PCDH11Y: variants seen among roughly 807,000 people sequenced by gnomAD.
The protein encoded by PCDH11Y is protocadherin-11 Y-linked.
For missense variants in PCDH11Y, 12 were observed against 224.8 expected (o/e 0.05, Z 6.05); for synonymous variants, 9 against 83.6 (o/e 0.11, Z 4.87).
chrY:5,429,493 G>T, intron 2 of PCDH11Y, among the ~76,000 whole-genome samples: 1 of 32,456 alleles, frequency 3.1e-5, no homozygotes, highest in African/African-American at 1.2e-4. Flanking sequence ...TTTATTTACA[G>T]CTGGTTTTTA....
intron 3 of PCDH11Y, among the ~76,000 whole-genome samples, chrY:5,578,259 G>A: frequency 3.0e-5 from 1 of 33,824 alleles, no homozygotes; most frequent in Non-Finnish European, 7.4e-5. Context: ...ACATCAAGAA[G>A]AATTGAATCT....
intron 2 of PCDH11Y, among the ~76,000 whole-genome samples, chrY:5,183,456 G>A: frequency 3.1e-5 from 1 of 31,986 alleles, no homozygotes; most frequent in African/African-American, 1.2e-4. Context: ...TGTTTTTTGC[G>A]ACATTTTTAA....
At chrY:5,109,463 C>G, downstream of PCDH11Y, among the ~76,000 whole-genome samples, 2 of 33,228 alleles carry the variant, frequency 6.0e-5, no homozygotes, top group East Asian at 1.6e-3. Context: ...GGCTATATAA[C>G]TTTTTGAAGT....
At chrY:5,418,968 A>G in intron 2 of PCDH11Y, among the ~76,000 whole-genome samples, 1 of 32,908 alleles carries the variant, frequency 3.0e-5, no homozygotes, top group Non-Finnish European at 7.5e-5. Context: ...TGGCTCAGAA[A>G]ATATCTTATT....
At chrY:5,116,963 T>C (rs2052811525) in intron 2 of PCDH11Y, among the ~76,000 whole-genome samples, 6 of 32,507 alleles carry the variant, frequency 1.8e-4, no homozygotes, top group African/African-American at 7.2e-4. Context: ...GAACTCCAGA[T>C]TGGCTACCAC....
intron 2 of PCDH11Y, among the ~76,000 whole-genome samples, chrY:5,390,849 G>A (rs2124675863): frequency 3.0e-5 from 1 of 33,044 alleles, no homozygotes; most frequent in Non-Finnish European, 7.4e-5. Context: ...TATTGATAGG[G>A]ATTGTGAATG....
chrY:5,437,719 G>T, intron 2 of PCDH11Y, among the ~76,000 whole-genome samples: 1 of 32,147 alleles, frequency 3.1e-5, no homozygotes, highest in Non-Finnish European at 7.6e-5. Context: ...TTAAGTTTTA[G>T]GGTACATGTG....
intron 2 of PCDH11Y, among the ~76,000 whole-genome samples, chrY:5,298,203 A>G (rs2053077422): frequency 3.0e-5 from 1 of 33,885 alleles, no homozygotes; most frequent in African/African-American, 1.2e-4. Context: ...AGGCAATGGA[A>G]GAGCAATATA....
chrY:5,601,370 T>C, intron 4 of PCDH11Y, among the ~76,000 whole-genome samples: 1 of 32,581 alleles, frequency 3.1e-5, no homozygotes, highest in Non-Finnish European at 7.5e-5. Context: ...TTTATTTTTC[T>C]AGAATAACTT....
At chrY:5,694,754 A>G (rs2053570400) in intron 4 of PCDH11Y, among the ~76,000 whole-genome samples, 1 of 32,114 alleles carries the variant, frequency 3.1e-5, no homozygotes. Context: ...TTATTCAAAA[A>G]CTGTTGTCTA....
intron 1 of PCDH11Y, among the ~76,000 whole-genome samples, chrY:5,071,449 G>C: frequency 1.0e-4 from 3 of 28,972 alleles, no homozygotes; most frequent in African/African-American, 2.7e-4. Context: ...CATAGGATTA[G>C]ATAAGCTCAA....
At chrY:5,640,136 G>A in intron 4 of PCDH11Y, among the ~76,000 whole-genome samples, 7 of 33,026 alleles carry the variant, frequency 2.1e-4, no homozygotes, top group African/African-American at 8.3e-4. Context: ...TGAGATTGGA[G>A]CAGTTCAGTC....
At chrY:5,127,170 A>G in intron 2 of PCDH11Y, among the ~76,000 whole-genome samples, 3 of 31,133 alleles carry the variant, frequency 9.6e-5, no homozygotes, top group Non-Finnish European at 2.3e-4. Flanking sequence ...AACAGCTTTT[A>G]TTTTTTACTT....
At chrY:5,724,169 C>T in intron 4 of PCDH11Y, among the ~76,000 whole-genome samples, 1 of 33,860 alleles carries the variant, frequency 3.0e-5, no homozygotes, top group African/African-American at 1.1e-4. Flanking sequence ...TACTATGAAA[C>T]TGCACAGGCA....
intron 2 of PCDH11Y, among the ~76,000 whole-genome samples, chrY:5,426,071 CTTTG>C (rs2053262982): frequency 9.2e-5 from 3 of 32,489 alleles, no homozygotes; most frequent in Admixed American, 5.7e-4. Context: ...CCTTTTTCCT[CTTTG>C]TTTATTACAA....
chrY:5,573,999 G>A, intron 3 of PCDH11Y: 2 of 207,399 alleles, frequency 9.6e-6, no homozygotes, highest in Non-Finnish European at 1.8e-5. Flanking sequence ...ACAGTCCGCC[G>A]AGGTTGGAGC....
chrY:5,167,436 A>G, intron 2 of PCDH11Y, among the ~76,000 whole-genome samples: 1 of 30,001 alleles, frequency 3.3e-5, no homozygotes, highest in Non-Finnish European at 8.0e-5. Flanking sequence ...ACTCGGTGAG[A>G]GCCATCTGTG....
intron 2 of PCDH11Y, among the ~76,000 whole-genome samples, chrY:5,383,712 A>G: frequency 3.2e-5 from 1 of 31,295 alleles, no homozygotes; most frequent in Admixed American, 3.0e-4. Flanking sequence ...TCCGCCTCCT[A>G]GGTTTAAGCG....
chrY:5,287,066 T>C, intron 2 of PCDH11Y, among the ~76,000 whole-genome samples: 1 of 33,283 alleles, frequency 3.0e-5, no homozygotes, highest in Admixed American at 2.8e-4. Context: ...TTTTGAGGTA[T>C]GCTCCTTCAG....
Sources: allele counts gnomAD v4.1 joint callset (sites outside exome capture counted in the v4.1 genomes callset), GRCh38; gene constraint gnomAD v4.1.1; transcripts MANE v1.5; gene names NCBI Gene and HGNC (gene_info 2026-07-23, HGNC 2026-07-21).